Variants in MCC observed in about 807,000 individuals in gnomAD.
The protein encoded by MCC is colorectal mutant cancer protein.
Under a neutral mutation model 116.2 loss-of-function variants are expected in MCC, and 90 were observed. That is an observed-to-expected ratio of 0.77 (90% CI 0.65 to 0.92). The LOEUF is 0.92. MCC is among the 40% of genes least tolerant of loss of function. The pLI is 0.00. For missense variants in MCC, 1,516 were observed against 1,312.2 expected, an observed-to-expected ratio of 1.16 and a Z score of -2.40; for synonymous variants, 578 against 510.5, an observed-to-expected ratio of 1.13 and a Z score of -1.78.
intron 5 of MCC, among the ~76,000 whole-genome samples, chr5:113,131,567 C>G (rs76787872): frequency 0.011 from 1,665 of 152,242 alleles, 20 homozygotes; most frequent in Non-Finnish European, 0.018. Context: ...AAGGATTTAA[C>G]TTAGTTCCAT....
chr5:113,356,416 AAT>A (rs200253932), intron 2 of MCC, among the ~76,000 whole-genome samples: 1,636 of 147,972 alleles, frequency 0.011, 23 homozygotes, highest in African/African-American at 0.038. Flanking sequence ...CAAGTTTTAA[AAT>A]ATATATATAT....
chr5:113,187,352 G>A (rs770917194), intron 3 of MCC, among the ~76,000 whole-genome samples: 43 of 152,000 alleles, frequency 2.8e-4, no homozygotes, highest in Non-Finnish European at 5.1e-4. Flanking sequence ...CAAGCAATCC[G>A]CCTGCCTCGG....
At chr5:113,243,463 G>T (rs1033478775) in intron 3 of MCC, among the ~76,000 whole-genome samples, 1 of 152,076 alleles carries the variant, frequency 6.6e-6, no homozygotes, top group East Asian at 1.9e-4. Context: ...AAAGAACAGA[G>T]AACTCTGTAG....
In MCC at chr5:113,315,607, T is replaced by A. The variant is rs1271534050; in HGVS notation, c.627+24912A>T. ...AGCAGGCCAGACGCAGTGGCTCACA[T>A]CTGTAATCCTAGCACTTCAGGAAGC... On this transcript the variant is annotated intron_variant, in intron 3 of 18. Coordinates refer to ENST00000408903, the MANE Select transcript of MCC (RefSeq NM_001085377.2). 3.4e-5 allele frequency among the ~76,000 whole-genome samples: 5 copies of A among 148,386 alleles called. No individual in the cohort carries two copies. In the East Asian group the frequency reaches 6.0e-4, roughly 18 times the overall value.
At chr5:113,323,867 A>C (rs1019311373) in intron 3 of MCC, among the ~76,000 whole-genome samples, 1 of 152,186 alleles carries the variant, frequency 6.6e-6, no homozygotes, top group African/African-American at 2.4e-5. Context: ...AGTGCACTCC[A>C]TCCTGGGCAC....
chr5:113,078,457 C>T (rs201463187), intron 11 of MCC, among the ~76,000 whole-genome samples: 1 of 152,192 alleles, frequency 6.6e-6, no homozygotes, highest in East Asian at 1.9e-4. Flanking sequence ...AGCTTATCCA[C>T]CATGATCAAG....
intron 2 of MCC, among the ~76,000 whole-genome samples, chr5:113,382,090 C>G (rs1212366799): frequency 6.6e-6 from 1 of 152,022 alleles, no homozygotes; most frequent in African/African-American, 2.4e-5. Flanking sequence ...TAAGAGTTCA[C>G]TGAAGAAAGG....
chr5:113,342,764 T>C (rs1242693896), intron 2 of MCC, among the ~76,000 whole-genome samples: 1 of 152,240 alleles, frequency 6.6e-6, no homozygotes, highest in Non-Finnish European at 1.5e-5. Context: ...TGCCTCTAGC[T>C]GCAAGGAAAG....
chr5:113,429,653 G>C (rs1770575649), intron 1 of MCC, among the ~76,000 whole-genome samples: 1 of 152,036 alleles, frequency 6.6e-6, no homozygotes, highest in Non-Finnish European at 1.5e-5. Flanking sequence ...ACTCAAGAGT[G>C]GTACACATAT....
At position 113,027,335 on chromosome 5, in the gene MCC, G is replaced by T; in HGVS notation, c.3027C>A (p.Asn1009Lys). Residue 1009 changes from asparagine to lysine, a missense_variant, in exon 19 of 19, where the codon AAC becomes AAA. By Grantham distance (94) the Asn-to-Lys change is moderately conservative (BLOSUM62 0). Coordinates refer to ENST00000408903, the MANE Select transcript of MCC (RefSeq NM_001085377.2). ...KQRIALLEEENSRPHTNETSL is the reference protein window; with the variant it reads ...KQRIALLEEEKSRPHTNETSL ...AAGTTTCATTGGTGTGTGGCCTGGA[G>T]TTCTCCTCCTCTAGCAGAGCTATTC... The T allele has an allele frequency of 6.2e-7, 1 of 1,614,208 alleles. No homozygotes were observed. The highest frequency in any genetic ancestry group is 8.5e-7 in the Non-Finnish European group (1 of 1,180,026).
In MCC at chr5:113,342,013, C is replaced by T. The variant is rs147553699; in HGVS notation, c.416-1283G>A. On this transcript the variant is annotated intron_variant, in intron 2 of 18. Transcript: ENST00000408903. ...CCCCACTCACACTTTCCCCCAAGTCCCCAAAGTCCACTGTGTCACTCTTAT... is the reference window on the plus strand; with the variant it reads ...CCCCACTCACACTTTCCCCCAAGTCTCCAAAGTCCACTGTGTCACTCTTAT... Among the ~76,000 whole-genome samples, 393 of 150,808 alleles carry T rather than the reference C, an allele frequency of 2.6e-3. 1 individual carries two copies. The highest frequency in any genetic ancestry group is 0.01 in the Middle Eastern group (3 of 294).
intron 1 of MCC, among the ~76,000 whole-genome samples, chr5:113,450,219 C>T (rs907962032): frequency 6.6e-6 from 1 of 152,250 alleles, no homozygotes; most frequent in Admixed American, 6.5e-5. Context: ...AGAGAAATAA[C>T]ATTAAATGTT....
intron 1 of MCC, among the ~76,000 whole-genome samples, chr5:113,446,023 C>A (rs1419099949): frequency 6.6e-6 from 1 of 152,146 alleles, no homozygotes; most frequent in Admixed American, 6.5e-5. Context: ...ATAAATGGTG[C>A]TGGGATAGCT....
At chr5:113,322,314 T>C (rs1767440253) in intron 3 of MCC, among the ~76,000 whole-genome samples, 1 of 152,238 alleles carries the variant, frequency 6.6e-6, no homozygotes, top group Non-Finnish European at 1.5e-5. Flanking sequence ...TCCTACTTAC[T>C]GATTATCTAA....
chr5:113,392,414 A>G (rs373645837), intron 1 of MCC, among the ~76,000 whole-genome samples: 1 of 152,188 alleles, frequency 6.6e-6, no homozygotes, highest in South Asian at 2.1e-4. Context: ...CAAAAACATT[A>G]GTCTTACAAT....
intron 3 of MCC, among the ~76,000 whole-genome samples, chr5:113,173,671 T>C (rs1054822373): frequency 3.3e-5 from 5 of 152,212 alleles, no homozygotes; most frequent in Non-Finnish European, 7.3e-5. Context: ...AGAGGCTCTC[T>C]TTAACCTAGA....
chr5:113,370,428 G>T (rs1561541150), intron 2 of MCC, among the ~76,000 whole-genome samples: 1 of 152,170 alleles, frequency 6.6e-6, no homozygotes, highest in African/African-American at 2.4e-5. Flanking sequence ...CACAAAACTA[G>T]ATAATAAGGA....
At chr5:113,090,101 G>A (rs999736154) in intron 8 of MCC, among the ~76,000 whole-genome samples, 7 of 152,162 alleles carry the variant, frequency 4.6e-5, no homozygotes, top group African/African-American at 1.7e-4. Context: ...CAGGAAGGAG[G>A]TGTGGCAGTG....
chr5:113,473,308 G>A (rs1378365066), intron 1 of MCC, among the ~76,000 whole-genome samples: 1 of 152,120 alleles, frequency 6.6e-6, no homozygotes, highest in Non-Finnish European at 1.5e-5. Context: ...AGGATCACTT[G>A]AGTACAGGAG....
Sources: allele counts gnomAD v4.1 joint callset (sites outside exome capture counted in the v4.1 genomes callset), GRCh38; gene constraint gnomAD v4.1.1; transcripts MANE v1.5; gene names NCBI Gene and HGNC (gene_info 2026-07-23, HGNC 2026-07-21).